Variants in ADAMTS3 observed in about 807,000 individuals in gnomAD.
ADAMTS3 encodes the protein A disintegrin and metalloproteinase with thrombospondin motifs 3.
ADAMTS3 carries 73 observed loss-of-function variants against 129.0 expected under a neutral mutation model. That is an observed-to-expected ratio of 0.57 (90% CI 0.47 to 0.69). ADAMTS3 has a LOEUF of 0.69. Ranked by LOEUF, ADAMTS3 falls within the 30% of genes least tolerant of loss-of-function variation. The probability of loss-of-function intolerance (pLI) is 0.00; values close to 1 mark genes in which losing one functional copy is unlikely to be tolerated. For synonymous variants in ADAMTS3, 477 were observed against 510.8 expected, an observed-to-expected ratio of 0.93 and a Z score of 0.89; for missense variants, 1,457 against 1,514.5, an observed-to-expected ratio of 0.96 and a Z score of 0.63.
intron 3 of ADAMTS3, among the ~76,000 whole-genome samples, chr4:72,456,079 CTA>C (rs1294212762): frequency 5.1e-5 from 2 of 39,424 alleles, no homozygotes; most frequent in African/African-American, 9.4e-5. Context: ...AGTATATATA[CTA>C]TATATATTTT....
At chr4:72,445,388 C>G (rs1718224690) in intron 3 of ADAMTS3, among the ~76,000 whole-genome samples, 1 of 151,670 alleles carries the variant, frequency 6.6e-6, no homozygotes, top group African/African-American at 2.4e-5. Context: ...ACTGAACATA[C>G]TTTACCTCAG....
chr4:72,331,893 T>G (rs888891268), intron 5 of ADAMTS3, among the ~76,000 whole-genome samples: 2 of 152,204 alleles, frequency 1.3e-5, no homozygotes, highest in African/African-American at 4.8e-5. Flanking sequence ...TGCAACTGAA[T>G]CCCTTGAAGA....
rs144348718 is a variant in ADAMTS3, at chr4:72,469,337, T to A, written c.505-54366A>T. On this transcript the variant is annotated intron_variant, in intron 3 of 21. Transcript: ENST00000286657. ...TTCTACCTATAGAATTCAAATGGTT[T>A]GAATTCATACTCCAACCCATAGAAG... Among the ~76,000 whole-genome samples the A allele has an allele frequency of 4.7e-3, 711 of 152,234 alleles. 1 individual carries two copies. The highest frequency in any genetic ancestry group is 0.013 in the African/African-American group (551 of 41,570).
At chr4:72,389,222 T>C (rs1384367057) in intron 4 of ADAMTS3, among the ~76,000 whole-genome samples, 2 of 152,136 alleles carry the variant, frequency 1.3e-5, no homozygotes, top group Non-Finnish European at 2.9e-5. Flanking sequence ...CTCAGGACTG[T>C]TATGTTAATT....
At chr4:72,462,143 G>T (rs920446031) in intron 3 of ADAMTS3, among the ~76,000 whole-genome samples, 2 of 151,810 alleles carry the variant, frequency 1.3e-5, no homozygotes, top group Non-Finnish European at 2.9e-5. Flanking sequence ...AAAAAATAAA[G>T]CAAGTGCACA....
At chr4:72,556,410 C>T (rs919605351) in intron 2 of ADAMTS3, among the ~76,000 whole-genome samples, 1 of 151,742 alleles carries the variant, frequency 6.6e-6, no homozygotes, top group Admixed American at 6.6e-5. Flanking sequence ...GCAAAGACCA[C>T]ACTATAGAAC....
In ADAMTS3 at chr4:72,468,751, G is replaced by GA. The variant is rs35596972; in HGVS notation, c.505-53781dup. Among the ~76,000 whole-genome samples, 441 of 148,388 alleles carry GA rather than the reference G, an allele frequency of 3.0e-3. 4 individuals carry two copies. Among genetic ancestry groups the GA allele is most frequent in the African/African-American group, 7.9e-3 (318 of 40,466 alleles). ...TAATGTCAAAACTGGCATGTATTAT[G>GA]AAAAAAAAAACGAGAAGAAAACTTA... On this transcript the variant is annotated intron_variant, in intron 3 of 21. Transcript: ENST00000286657.
chr4:72,314,738 T>C (rs900834307), intron 11 of ADAMTS3, among the ~76,000 whole-genome samples: 2 of 152,198 alleles, frequency 1.3e-5, no homozygotes, highest in African/African-American at 4.8e-5. Context: ...CAAAACATTG[T>C]ATACAAGGTG....
intron 4 of ADAMTS3, among the ~76,000 whole-genome samples, chr4:72,346,300 A>C (rs1224046748): frequency 6.6e-6 from 1 of 152,172 alleles, no homozygotes; most frequent in Non-Finnish European, 1.5e-5. Context: ...AATGTTGTAC[A>C]GGTTACCCAC....
chr4:72,565,637 CCATAAAACAGATGAATATGGGAA>C (rs1205613379), intron 2 of ADAMTS3, among the ~76,000 whole-genome samples: 11 of 152,078 alleles, frequency 7.2e-5, no homozygotes, highest in Non-Finnish European at 1.3e-4. Context: ...GAGAGAAATC[CCATAAAACAGATGAATATGGGAA>C]CAAGTAAATC....
At chr4:72,548,916 T>G in intron 2 of ADAMTS3, 32 bp from the exon 3 acceptor site, 1 of 1,579,058 alleles carries the variant, frequency 6.3e-7, no homozygotes, top group South Asian at 1.1e-5. Flanking sequence ...TGTCAAACCC[T>G]GTACAATAAG....
At chr4:72,288,236 G>A (rs958420712) in intron 21 of ADAMTS3, among the ~76,000 whole-genome samples, 5 of 152,198 alleles carry the variant, frequency 3.3e-5, no homozygotes, top group African/African-American at 1.2e-4. Context: ...CATACAGCAA[G>A]TTGGCAGGTC....
intron 3 of ADAMTS3, among the ~76,000 whole-genome samples, chr4:72,479,269 C>T (rs1439981658): frequency 6.6e-6 from 1 of 152,162 alleles, no homozygotes. Context: ...AAGCTGGAGG[C>T]ATCACACTAC....
intron 3 of ADAMTS3, among the ~76,000 whole-genome samples, chr4:72,437,328 C>T (rs1560515360): frequency 6.6e-6 from 1 of 151,838 alleles, no homozygotes; most frequent in Admixed American, 6.6e-5. Flanking sequence ...TGAAAAGCAT[C>T]TGCACTGCTA....
chr4:72,490,737 C>T (rs1719718074), intron 3 of ADAMTS3, among the ~76,000 whole-genome samples: 1 of 151,846 alleles, frequency 6.6e-6, no homozygotes, highest in African/African-American at 2.4e-5. Flanking sequence ...ATTAGTGTAG[C>T]TTTGTAATAA....
At chr4:72,568,127 C>G (rs762219503) in intron 1 of ADAMTS3, 50 of 153,290 alleles carry the variant, frequency 3.3e-4, no homozygotes, top group Middle Eastern at 3.3e-3. Flanking sequence ...TCCAGCCCCC[C>G]TCCCCAACTG....
At chr4:72,421,661 A>G (rs1462268534) in intron 3 of ADAMTS3, among the ~76,000 whole-genome samples, 1 of 152,166 alleles carries the variant, frequency 6.6e-6, no homozygotes, top group Non-Finnish European at 1.5e-5. Flanking sequence ...ATTTAATTAG[A>G]GTAGTGGGGG....
intron 4 of ADAMTS3, among the ~76,000 whole-genome samples, chr4:72,386,507 TA>T (rs1303875113): frequency 6.6e-6 from 1 of 152,020 alleles, no homozygotes; most frequent in Non-Finnish European, 1.5e-5. Flanking sequence ...ATCAGTGCAA[TA>T]AGGGAGAATC....
chr4:72,470,606 C>CT (rs773072564), intron 3 of ADAMTS3, among the ~76,000 whole-genome samples: 1 of 151,868 alleles, frequency 6.6e-6, no homozygotes, highest in Non-Finnish European at 1.5e-5. Context: ...GACCCATTCT[C>CT]TTAAAGGGGC....
Sources: allele counts gnomAD v4.1 joint callset (sites outside exome capture counted in the v4.1 genomes callset), GRCh38; gene constraint gnomAD v4.1.1; transcripts MANE v1.5; gene names NCBI Gene and HGNC (gene_info 2026-07-23, HGNC 2026-07-21).